IPO11: variants seen among roughly 807,000 people sequenced by gnomAD.
IPO11 encodes the protein importin-11.
Under a neutral mutation model 143.2 loss-of-function variants are expected in IPO11, and 66 were observed. The ratio of observed to expected loss-of-function variants is 0.46; its 90% CI spans 0.38 to 0.57. The LOEUF is 0.57. Among genes scored for constraint, IPO11 ranks in the 20% least tolerant of loss-of-function variants. The probability of loss-of-function intolerance (pLI) is 0.00; values close to 1 mark genes in which losing one functional copy is unlikely to be tolerated. For synonymous variants in IPO11, 385 were observed against 377.8 expected, an observed-to-expected ratio of 1.02 and a Z score of -0.22; for missense variants, 1,026 against 1,141.0, an observed-to-expected ratio of 0.90 and a Z score of 1.45.
intron 9 of IPO11, among the ~76,000 whole-genome samples, chr5:62,480,304 G>C (rs1361334161): frequency 6.6e-6 from 1 of 152,100 alleles, no homozygotes; most frequent in Non-Finnish European, 1.5e-5. Context: ...CTATATCTCT[G>C]TTTTCGTACC....
At chr5:62,535,901 CTG>C (rs1440784099) in intron 22 of IPO11, among the ~76,000 whole-genome samples, 2 of 152,088 alleles carry the variant, frequency 1.3e-5, no homozygotes, top group African/African-American at 4.8e-5. Context: ...ATATTTTAAT[CTG>C]TATAATTTTA....
chr5:62,617,921 A>T (rs1264673371), intron 29 of IPO11, among the ~76,000 whole-genome samples: 1 of 152,130 alleles, frequency 6.6e-6, no homozygotes, highest in African/African-American at 2.4e-5. Context: ...GATGCTAAGG[A>T]TAGCCTATGG....
intron 27 of IPO11, chr5:62,579,578 G>A (rs776363540): frequency 6.4e-6 from 10 of 1,551,130 alleles, no homozygotes; most frequent in Non-Finnish European, 7.8e-6. Flanking sequence ...ATTAACTGCC[G>A]TAACTTAGGC....
chr5:62,452,023 C>A, intron 5 of IPO11, 90 bp downstream of exon 5: 1 of 999,038 alleles, frequency 1.0e-6, no homozygotes, highest in Non-Finnish European at 1.5e-6. Flanking sequence ...CTTTGGGAGG[C>A]CGAGGCGGGT....
chr5:62,560,099 C>G (rs1387010012), intron 26 of IPO11, among the ~76,000 whole-genome samples: 1 of 152,002 alleles, frequency 6.6e-6, no homozygotes, highest in Non-Finnish European at 1.5e-5. Flanking sequence ...CCAGAACATG[C>G]AAGAATGCCA....
chr5:62,421,336 A>G (rs1452279990), intron 1 of IPO11, among the ~76,000 whole-genome samples: 1 of 152,184 alleles, frequency 6.6e-6, no homozygotes, highest in Non-Finnish European at 1.5e-5. Context: ...GGTATCTTCA[A>G]TGACTCCATC....
intron 19 of IPO11, among the ~76,000 whole-genome samples, chr5:62,510,467 C>A (rs1332709088): frequency 1.3e-5 from 2 of 152,174 alleles, no homozygotes; most frequent in Admixed American, 6.5e-5. Flanking sequence ...CATCATGATA[C>A]TCTCCAGAAT....
chr5:62,451,448 C>T (rs1425690663), intron 4 of IPO11, among the ~76,000 whole-genome samples: 1 of 152,162 alleles, frequency 6.6e-6, no homozygotes, highest in Non-Finnish European at 1.5e-5. Flanking sequence ...TTCATATCTG[C>T]TTCTTCATTT....
At chr5:62,624,091 A>G (rs1020879580) in intron 29 of IPO11, among the ~76,000 whole-genome samples, 2 of 151,738 alleles carry the variant, frequency 1.3e-5, no homozygotes, top group African/African-American at 4.8e-5. Context: ...CTGGAGTGCA[A>G]TGGCATGATC....
At chr5:62,465,530 CT>C (rs1561322103) in intron 5 of IPO11, among the ~76,000 whole-genome samples, 1 of 152,142 alleles carries the variant, frequency 6.6e-6, no homozygotes, top group South Asian at 2.1e-4. Flanking sequence ...CTTTCAAACT[CT>C]TTTTATGATA....
At chr5:62,460,037 C>T (rs539933204) in intron 5 of IPO11, among the ~76,000 whole-genome samples, 7 of 152,180 alleles carry the variant, frequency 4.6e-5, no homozygotes, top group Admixed American at 3.9e-4. Flanking sequence ...TGCTTTCTGA[C>T]TTTTTTTGAG....
At chr5:62,588,288 G>A (rs1744879269) in intron 27 of IPO11, among the ~76,000 whole-genome samples, 5 of 151,056 alleles carry the variant, frequency 3.3e-5, no homozygotes, top group Admixed American at 3.3e-4. Flanking sequence ...GTGTAGTGGT[G>A]CCATCATGGT....
At chr5:62,623,136 CAATT>C (rs1746433569) in intron 29 of IPO11, among the ~76,000 whole-genome samples, 1 of 152,142 alleles carries the variant, frequency 6.6e-6, no homozygotes, top group South Asian at 2.1e-4. Context: ...TGCAGCAAAA[CAATT>C]AGTCAGAAAA....
intron 27 of IPO11, chr5:62,580,902 T>TA: frequency 6.4e-7 from 1 of 1,551,420 alleles, no homozygotes; most frequent in Non-Finnish European, 8.7e-7. Flanking sequence ...AAATACAACT[T>TA]ACTACTTCTG....
intron 1 of IPO11, among the ~76,000 whole-genome samples, chr5:62,420,597 T>G (rs1322064711): frequency 1.7e-4 from 26 of 151,484 alleles, no homozygotes; most frequent in Non-Finnish European, 3.5e-4. Flanking sequence ...TTTTTTTTTT[T>G]GAGACAGGGT....
intron 21 of IPO11, 106 bp downstream of exon 21, chr5:62,526,363 T>G: frequency 4.2e-6 from 3 of 717,664 alleles, no homozygotes; most frequent in Non-Finnish European, 4.7e-6. Flanking sequence ...AAACAGAAAA[T>G]GTAAACTCTG....
chr5:62,455,339 G>A (rs112656085), intron 5 of IPO11, among the ~76,000 whole-genome samples: 2,566 of 152,216 alleles, frequency 0.017, 68 homozygotes, highest in African/African-American at 0.059. Context: ...GGGCAACATG[G>A]TGAAACCCTG....
At position 62,489,368 on chromosome 5, in the gene IPO11, A is replaced by G. The variant is rs370062383; in HGVS notation, c.1357+19A>G. ...GATGCTGGTATGTTAAACTTAAGTG[A>G]TTTAGAAGCATTTATTTATTCAGTA... On this transcript the variant is annotated intron_variant, in intron 14 of 29. Transcript: ENST00000325324. The G allele has an allele frequency of 3.9e-5, 58 of 1,500,706 alleles. No individual in the cohort carries two copies. Among genetic ancestry groups the G allele is most frequent in the Non-Finnish European group, 5.1e-5 (56 of 1,103,064 alleles). 93.0% of individuals were successfully genotyped at this position (1,500,706 alleles called of 1,614,324 possible).
intron 27 of IPO11, among the ~76,000 whole-genome samples, chr5:62,569,646 T>G (rs1262239933): frequency 6.6e-6 from 1 of 152,174 alleles, no homozygotes; most frequent in Non-Finnish European, 1.5e-5. Flanking sequence ...TTTGCCAGAG[T>G]TGACTGTAAA....
Sources: gnomAD v4.1 joint callset for allele counts (sites outside exome capture counted in the v4.1 genomes callset) on GRCh38, gnomAD v4.1.1 for gene constraint, MANE v1.5 for transcripts, NCBI Gene and HGNC (gene_info 2026-07-23, HGNC 2026-07-21) for gene names.